The following CADM2 variants were observed in gnomAD, a reference collection of about 807,000 sequenced individuals.
The protein encoded by CADM2 is cell adhesion molecule 2, also known as immunoglobulin superfamily member 4D.
A neutral mutation model predicts 49.8 loss-of-function variants in CADM2; 12 were observed. That is an observed-to-expected ratio of 0.24 (90% CI 0.15 to 0.39). The LOEUF (loss-of-function observed/expected upper bound fraction) is 0.39, where lower values mean the gene tolerates loss of function less well. Ranked by LOEUF, CADM2 falls within the 10% of genes least tolerant of loss-of-function variation. The pLI, the probability that CADM2 is intolerant of heterozygous loss-of-function variation, is 1.00. For missense variants in CADM2, 378 were observed against 492.3 expected (o/e 0.77, Z 2.20); for synonymous variants, 214 against 175.4 (o/e 1.22, Z -1.74).
chr3:85,736,425 G>T (rs921032071), intron 2 of CADM2, among the ~76,000 whole-genome samples: 3 of 152,178 alleles, frequency 2.0e-5, no homozygotes, highest in African/African-American at 7.2e-5. Flanking sequence ...TAGAGAAAAT[G>T]ATGGTCAGAA....
intron 1 of CADM2, among the ~76,000 whole-genome samples, chr3:85,107,631 T>TGTTC (rs1553683765): frequency 7.3e-6 from 1 of 137,842 alleles, no homozygotes; most frequent in Non-Finnish European, 1.6e-5. Flanking sequence ...CTTTCTTTCT[T>TGTTC]TTTCTTTCTT....
At chr3:85,943,968 A>G (rs1039856424) in intron 7 of CADM2, among the ~76,000 whole-genome samples, 1 of 152,066 alleles carries the variant, frequency 6.6e-6, no homozygotes, top group African/African-American at 2.4e-5. Flanking sequence ...ATTAAAATAC[A>G]CACACTGGCA....
chr3:85,901,249 C>T, intron 5 of CADM2, among the ~76,000 whole-genome samples: 1 of 152,062 alleles, frequency 6.6e-6, no homozygotes, highest in African/African-American at 2.4e-5. Context: ...TAGATCCAAA[C>T]AATTTTTCAC....
chr3:85,074,540 C>A (rs1402979847), intron 1 of CADM2, among the ~76,000 whole-genome samples: 1 of 151,968 alleles, frequency 6.6e-6, no homozygotes. Flanking sequence ...TGACATATAC[C>A]AAGCAGTTAG....
At chr3:85,804,227 GA>G (rs1031960834) in intron 3 of CADM2, among the ~76,000 whole-genome samples, 1 of 151,882 alleles carries the variant, frequency 6.6e-6, no homozygotes, top group Non-Finnish European at 1.5e-5. Context: ...AAATGTTCTG[GA>G]AAAAAATAGA....
intron 1 of CADM2, among the ~76,000 whole-genome samples, chr3:85,601,159 T>G: frequency 1.3e-5 from 1 of 79,842 alleles, no homozygotes; most frequent in African/African-American, 4.2e-5. Flanking sequence ...TATATATATA[T>G]ATATATATAT....
intron 1 of CADM2, among the ~76,000 whole-genome samples, chr3:85,605,736 G>T (rs1282009025): frequency 1.3e-5 from 2 of 152,022 alleles, no homozygotes; most frequent in Non-Finnish European, 2.9e-5. Context: ...TTTGTCTTTT[G>T]ACACATCTTT....
chr3:85,964,780 T>C (rs139249038), intron 8 of CADM2, among the ~76,000 whole-genome samples: 1,665 of 151,854 alleles, frequency 0.011, 25 homozygotes, highest in African/African-American at 0.036. Context: ...AGCTTGGCAA[T>C]GGAAAAATTT....
intron 1 of CADM2, among the ~76,000 whole-genome samples, chr3:85,329,609 A>G (rs1446822905): frequency 1.3e-5 from 2 of 152,094 alleles, no homozygotes; most frequent in Admixed American, 6.6e-5. Context: ...AAAAACAAAC[A>G]AAAAAACAAA....
intron 1 of CADM2, among the ~76,000 whole-genome samples, chr3:85,301,312 C>G (rs2044095227): frequency 6.6e-5 from 10 of 151,980 alleles, no homozygotes. Flanking sequence ...TAAGCTGAGT[C>G]AAGACACACA....
Position 86,071,459 on chromosome 3 carries a change from C to A in CADM2, c.*4676C>A, listed in dbSNP as rs1437771971. 1.3e-5 allele frequency: 2 copies of A among 151,754 alleles called. No homozygotes were observed. Among genetic ancestry groups the A allele is most frequent in the Admixed American group, 1.3e-4 (2 of 15,210 alleles). The allele number at this position is 151,754 out of a possible 1,614,324, so 9.4% of individuals were successfully genotyped here. On this transcript the variant is annotated 3_prime_UTR_variant, in exon 10 of 10. Coordinates refer to ENST00000383699, the MANE Select transcript of CADM2 (RefSeq NM_001167675.2). Reference sequence around the variant, plus strand: ...AACATATAACAATGGGTTCTAAAATCATCAGCATTTTTATGTATTGAGATT... The same window carrying A: ...AACATATAACAATGGGTTCTAAAATAATCAGCATTTTTATGTATTGAGATT...
At chr3:85,119,956 C>G (rs1179894241) in intron 1 of CADM2, among the ~76,000 whole-genome samples, 1 of 152,046 alleles carries the variant, frequency 6.6e-6, no homozygotes, top group Non-Finnish European at 1.5e-5. Flanking sequence ...GGACTAGCAG[C>G]CAGAATCTAC....
At chr3:85,247,542 A>G (rs940336123) in intron 1 of CADM2, among the ~76,000 whole-genome samples, 4 of 152,152 alleles carry the variant, frequency 2.6e-5, no homozygotes, top group Admixed American at 1.3e-4. Flanking sequence ...GCATTTAAAT[A>G]TCCAAAATGA....
intron 1 of CADM2, among the ~76,000 whole-genome samples, chr3:85,419,896 C>A (rs2036090144): frequency 6.6e-6 from 1 of 152,110 alleles, no homozygotes. Context: ...ATTCTCCATC[C>A]ACGGGCATTC....
chr3:85,094,501 G>A (rs564799324), intron 1 of CADM2, among the ~76,000 whole-genome samples: 1 of 152,218 alleles, frequency 6.6e-6, no homozygotes, highest in East Asian at 1.9e-4. Context: ...AGTTGCTGTG[G>A]TTTATTGCAG....
chr3:85,966,183 A>C (rs1432184440), intron 8 of CADM2, among the ~76,000 whole-genome samples: 1 of 151,704 alleles, frequency 6.6e-6, no homozygotes, highest in Non-Finnish European at 1.5e-5. Context: ...TAATACCAGC[A>C]GAAAAAATAG....
intron 1 of CADM2, among the ~76,000 whole-genome samples, chr3:85,720,080 T>C (rs140347671): frequency 2.0e-5 from 3 of 152,334 alleles, no homozygotes; most frequent in Non-Finnish European, 4.4e-5. Context: ...AATTAATTGA[T>C]GTGTCTTTTA....
chr3:85,152,210 A>G lies in CADM2; in HGVS notation c.61+192542A>G, dbSNP rs1208747736. 3.3e-5 allele frequency among the ~76,000 whole-genome samples: 5 copies of G among 152,152 alleles called. No individual in the cohort carries two copies. In the East Asian group the frequency reaches 9.6e-4, roughly 29 times the overall value. On this transcript the variant is annotated intron_variant, in intron 1 of 9. Transcript: ENST00000383699. ...ATTTCATATAATTTAATACTACTCT[A>G]TATAATACTCTGTAAAGTTGGTTTA...
chr3:85,747,783 G>C (rs1447812718), intron 2 of CADM2, among the ~76,000 whole-genome samples: 2 of 152,014 alleles, frequency 1.3e-5, no homozygotes, highest in Non-Finnish European at 2.9e-5. Flanking sequence ...GTCTCAATGA[G>C]ATCATCAAAA....
Sources: allele counts gnomAD v4.1 joint callset (sites outside exome capture counted in the v4.1 genomes callset), GRCh38; gene constraint gnomAD v4.1.1; transcripts MANE v1.5; gene names NCBI Gene and HGNC (gene_info 2026-07-23, HGNC 2026-07-21).